Variants in ABLIM1 observed in about 807,000 individuals in gnomAD.
ABLIM1 encodes actin-binding LIM protein 1.
A neutral mutation model predicts 107.0 loss-of-function variants in ABLIM1; 40 were observed. The observed-to-expected ratio is 0.37, with a 90% CI of 0.29 to 0.49. The LOEUF (loss-of-function observed/expected upper bound fraction) is 0.49, where lower values mean the gene tolerates loss of function less well. ABLIM1 is among the 20% of genes least tolerant of loss of function. The pLI, the probability that ABLIM1 is intolerant of heterozygous loss-of-function variation, is 0.97. For synonymous variants in ABLIM1, 357 were observed against 357.3 expected (o/e 1.00, Z 0.01); for missense variants, 857 against 1,008.5 (o/e 0.85, Z 2.04).
intron 1 of ABLIM1, among the ~76,000 whole-genome samples, chr10:114,725,351 T>C (rs1337663060): frequency 6.6e-6 from 1 of 152,060 alleles, no homozygotes; most frequent in Non-Finnish European, 1.5e-5. Flanking sequence ...CACTGAAATA[T>C]CCATTAGCAG....
the ABLIM1 span, among the ~76,000 whole-genome samples, chr10:114,781,552 ATG>A: frequency 1.0e-3 from 156 of 149,100 alleles, 1 homozygote; most frequent in African/African-American, 3.5e-3. Flanking sequence ...ATATCTATAT[ATG>A]TGTGTGTGTG....
chr10:114,620,813 G>A (rs2077419916), intron 1 of ABLIM1, among the ~76,000 whole-genome samples: 1 of 152,192 alleles, frequency 6.6e-6, no homozygotes, highest in African/African-American at 2.4e-5. Flanking sequence ...CTTGAAAACT[G>A]CAAGGCCTGG....
At chr10:114,788,337 A>ATAAAT in the ABLIM1 span, among the ~76,000 whole-genome samples, 370 of 131,600 alleles carry the variant, frequency 2.8e-3, no homozygotes, top group African/African-American at 0.012. Context: ...AAAAAAATAA[A>ATAAAT]AAAAAAAAAA....
chr10:114,661,500 A>G (rs186409936), upstream of ABLIM1, among the ~76,000 whole-genome samples: 66 of 152,334 alleles, frequency 4.3e-4, no homozygotes, highest in African/African-American at 1.5e-3. Flanking sequence ...TTCACCCAGG[A>G]AAGCACAGTT....
At chr10:114,647,773 C>T (rs1046841178) in intron 1 of ABLIM1, among the ~76,000 whole-genome samples, 1 of 152,144 alleles carries the variant, frequency 6.6e-6, no homozygotes, top group Non-Finnish European at 1.5e-5. Context: ...TGGTTGTTAT[C>T]TATGGCCACA....
At position 114,440,092 on chromosome 10, in the gene ABLIM1, G is replaced by GA. The variant is rs757864607; in HGVS notation, c.2060-4dup. 3 of 1,612,978 alleles carry GA rather than the reference G, an allele frequency of 1.9e-6. No individual in the cohort carries two copies. Among genetic ancestry groups the GA allele is most frequent in the Non-Finnish European group, 2.5e-6 (3 of 1,179,436 alleles). On this transcript the variant is annotated splice_region_variant and splice_polypyrimidine_tract_variant and intron_variant, in intron 19 of 22. Coordinates refer to ENST00000533213, the MANE Select transcript of ABLIM1 (RefSeq NM_002313.7). ...CAAAGTGTTCCATACCTGGTAATCT[G>GA]AAAAGGAAAGGAAAAGAAAATATCA...
intron 4 of ABLIM1, among the ~76,000 whole-genome samples, chr10:114,557,388 T>C (rs1333688): frequency 0.37 from 56,644 of 151,976 alleles, 13,892 homozygotes; most frequent in African/African-American, 0.7. Context: ...TGGCCCATAA[T>C]AGCAACAGAG....
intron 8 of ABLIM1, chr10:114,485,470 C>T (rs2058059426): frequency 5.0e-6 from 6 of 1,203,666 alleles, no homozygotes; most frequent in East Asian, 5.4e-5. Context: ...AAAACAACAA[C>T]CACCTTAGGT....
intron 1 of ABLIM1, among the ~76,000 whole-genome samples, chr10:114,627,154 G>T (rs2077865977): frequency 6.6e-6 from 1 of 152,134 alleles, no homozygotes; most frequent in South Asian, 2.1e-4. Context: ...AAGATCATTT[G>T]TTCTGAATCC....
chr10:114,728,352 A>G (rs997268133), intron 1 of ABLIM1, among the ~76,000 whole-genome samples: 7 of 152,148 alleles, frequency 4.6e-5, no homozygotes, highest in South Asian at 2.1e-4. Flanking sequence ...CGAAACCCCA[A>G]TAGTTCCTCT....
At chr10:114,462,723 T>C (rs760627531) in intron 12 of ABLIM1, among the ~76,000 whole-genome samples, 6 of 151,610 alleles carry the variant, frequency 4.0e-5, no homozygotes, top group Non-Finnish European at 8.8e-5. Flanking sequence ...ATATATTATA[T>C]TTTGTTTCGA....
At chr10:114,436,898 A>AG (rs1161675695) in intron 22 of ABLIM1, among the ~76,000 whole-genome samples, 1 of 152,098 alleles carries the variant, frequency 6.6e-6, no homozygotes, top group Non-Finnish European at 1.5e-5. Context: ...CTCTACGCCA[A>AG]GGTACTGCCT....
chr10:114,755,098 G>T (rs7080397), intron 1 of ABLIM1, among the ~76,000 whole-genome samples: 98,386 of 151,984 alleles, frequency 0.65, 31,879 homozygotes, highest in African/African-American at 0.68. Context: ...CCTGAGGAAC[G>T]GAGCCGCACA....
intron 1 of ABLIM1, chr10:114,613,653 T>C (rs1454365046): frequency 7.6e-7 from 1 of 1,322,294 alleles, no homozygotes; most frequent in Non-Finnish European, 1.0e-6. Flanking sequence ...AAACCTGCCC[T>C]CACCTGGGTC....
At chr10:114,632,425 C>T in intron 1 of ABLIM1, 1 of 985,402 alleles carries the variant, frequency 1.0e-6, no homozygotes, top group South Asian at 4.7e-5. Flanking sequence ...CTCCCTGTTA[C>T]AGTCGCTTTC....
chr10:114,766,729 G>A (rs544956615), intron 1 of ABLIM1, among the ~76,000 whole-genome samples: 23 of 152,308 alleles, frequency 1.5e-4, no homozygotes, highest in Admixed American at 1.2e-3. Context: ...TATGTTCCTT[G>A]TGGTACTTAG....
At position 114,707,378 on chromosome 10, in the gene ABLIM1, G is replaced by A. The variant is rs574437083; in HGVS notation, c.-213+60683C>T. On this transcript the variant is annotated intron_variant, in intron 1 of 15. Transcript: ENST00000651092. This position sits in a 1 kb window ranked among gnomAD's most constrained non-coding sequence, Gnocchi z 4.1. ...CTTCCGAGTAGCTGGAACTACAGGC[G>A]CACACCACCACACTCAGCTAATTTT... 1.7e-4 allele frequency among the ~76,000 whole-genome samples: 26 copies of A among 152,184 alleles called. 2 individuals carry two copies. The South Asian group carries it at 4.6e-3, about 27-fold the overall frequency.
intron 1 of ABLIM1, among the ~76,000 whole-genome samples, chr10:114,675,285 C>G (rs2080431447): frequency 6.6e-6 from 1 of 152,182 alleles, no homozygotes; most frequent in African/African-American, 2.4e-5. Context: ...TCATCTTGAA[C>G]TGTAGCTCCC....
chr10:114,451,600 T>G, intron 14 of ABLIM1, 24 bp downstream of exon 14: 2 of 1,603,590 alleles, frequency 1.2e-6, no homozygotes, highest in Non-Finnish European at 8.5e-7. Context: ...ATTTAAAAGC[T>G]ACGCGGAGGA....
Sources: gnomAD v4.1 joint callset for allele counts (sites outside exome capture counted in the v4.1 genomes callset) on GRCh38, gnomAD v4.1.1 for gene constraint, Gnocchi (gnomAD v3.1) non-coding constraint, MANE v1.5 for transcripts, NCBI Gene and HGNC (gene_info 2026-07-23, HGNC 2026-07-21) for gene names.